Variants in CCDC13 observed in about 807,000 individuals in gnomAD.
CCDC13 encodes coiled-coil domain-containing protein 13.
Under a neutral mutation model 87.3 loss-of-function variants are expected in CCDC13, and 70 were observed. The observed-to-expected ratio is 0.80, with a 90% CI of 0.66 to 0.98. CCDC13 has a LOEUF of 0.98. Among genes scored for constraint, CCDC13 ranks in the 50% least tolerant of loss-of-function variants. CCDC13 has a pLI of 0.00. For missense variants in CCDC13, 842 were observed against 892.0 expected, an observed-to-expected ratio of 0.94 and a Z score of 0.71; for synonymous variants, 317 against 360.3, an observed-to-expected ratio of 0.88 and a Z score of 1.36.
intron 1 of CCDC13, chr3:42,770,785 C>G (rs911644734): frequency 1.3e-5 from 2 of 153,118 alleles, no homozygotes; most frequent in Non-Finnish European, 1.5e-5. Flanking sequence ...GAATGAACAA[C>G]TCCAGACGCA....
At position 42,746,287 on chromosome 3, in the gene CCDC13, C is replaced by T. The variant is rs543618529; in HGVS notation, c.721-260G>A. 7.9e-5 allele frequency: 35 copies of T among 444,904 alleles called. No individual in the cohort carries two copies. In the South Asian group the frequency reaches 9.3e-4, roughly 12 times the overall value. The allele number at this position is 444,904 out of a possible 1,614,324, so 27.6% of individuals were successfully genotyped here. On this transcript the variant is annotated intron_variant, in intron 6 of 15. Transcript: ENST00000310232. ...ACTGCCAGCAATGCCCAGATAGGGC[C>T]CCTTGCTCTTGACATATTCTGGGAT...
At chr3:42,712,824 C>T (rs1698343502) in intron 14 of CCDC13, among the ~76,000 whole-genome samples, 1 of 152,220 alleles carries the variant, frequency 6.6e-6, no homozygotes, top group South Asian at 2.1e-4. Context: ...CCCAGCAGAC[C>T]AGCTGTGCCC....
Position 42,739,697 on chromosome 3 carries a change from C to A in CCDC13, c.1101G>T (p.Lys367Asn), listed in dbSNP as rs776452879. The A allele has an allele frequency of 6.2e-7, 1 of 1,614,114 alleles. No homozygotes were observed. The highest frequency in any genetic ancestry group is 8.5e-7 in the Non-Finnish European group (1 of 1,180,034). ...TCTCCACCAGGGTTCCCATCTGACT[C>A]TTGAGGGTCTTCATCTCACTTGACA... ...KLLSSEMKTLKSQMGTLVEKG... is the reference protein window; with the variant it reads ...KLLSSEMKTLNSQMGTLVEKG... Residue 367 changes from lysine (K) to asparagine (N), a missense_variant, in exon 9 of 16, where the codon AAG becomes AAT. Coordinates refer to ENST00000310232, the MANE Select transcript of CCDC13 (RefSeq NM_144719.4).
rs1698258792 is a variant in CCDC13, at chr3:42,709,728, G to T, written c.1944C>A (p.Leu648=). The stretch of plus-strand genomic sequence containing the variant: ...TTTGGGATTCCACGGGCACATCGGA[G>T]AGCTGGGCAAAGGATGGGTCCTTCT... ...SEKKDPSFAQ[L]SDVPVESQME... The change falls in exon 15 of 16, where the codon CTC becomes CTA. Residue 648 remains leucine, a synonymous_variant. Transcript: ENST00000310232. 1 of 1,614,074 alleles carries T rather than the reference G, an allele frequency of 6.2e-7. No homozygotes were observed. Among genetic ancestry groups the T allele is most frequent in the Non-Finnish European group, 8.5e-7 (1 of 1,180,028 alleles).
intron 3 of CCDC13, among the ~76,000 whole-genome samples, chr3:42,752,996 G>A (rs1331420152): frequency 2.0e-5 from 3 of 152,188 alleles, no homozygotes; most frequent in South Asian, 2.1e-4. Context: ...TTATCACTCC[G>A]ATGCTTCATG....
intron 14 of CCDC13, among the ~76,000 whole-genome samples, chr3:42,711,603 A>G (rs1698315374): frequency 6.6e-6 from 1 of 152,162 alleles, no homozygotes; most frequent in African/African-American, 2.4e-5. Flanking sequence ...AAGCACCGAC[A>G]CTTGTCTTTC....
At chr3:42,744,931 C>T (rs1029154687) in intron 7 of CCDC13, 1 of 151,918 alleles carries the variant, frequency 6.6e-6, no homozygotes, top group Non-Finnish European at 1.5e-5. Context: ...TTTATGTTAC[C>T]CCATTTCACA....
intron 13 of CCDC13, among the ~76,000 whole-genome samples, chr3:42,717,375 G>A (rs963011501): frequency 4.0e-5 from 6 of 148,568 alleles, no homozygotes; most frequent in African/African-American, 7.6e-5. Context: ...GCAGTGAGCC[G>A]AGATCATGCC....
At chr3:42,749,028 G>A (rs1169137586) in intron 5 of CCDC13, among the ~76,000 whole-genome samples, 1 of 152,064 alleles carries the variant, frequency 6.6e-6, no homozygotes, top group African/African-American at 2.4e-5. Flanking sequence ...CAAAGTGCTG[G>A]GATTACAGAT....
intron 10 of CCDC13, among the ~76,000 whole-genome samples, chr3:42,734,530 A>T (rs1698940684): frequency 6.6e-6 from 1 of 152,194 alleles, no homozygotes; most frequent in African/African-American, 2.4e-5. Flanking sequence ...TGTCACAGCC[A>T]GTCCTGGGGC....
At chr3:42,726,063 C>T (rs1226538095) in intron 13 of CCDC13, among the ~76,000 whole-genome samples, 9 of 152,020 alleles carry the variant, frequency 5.9e-5, no homozygotes, top group African/African-American at 1.9e-4. Flanking sequence ...GTTTTTGAGA[C>T]GGGGGTGTTT....
Position 42,744,571 on chromosome 3 carries a change from C to T in CCDC13, c.825+1352G>A, listed in dbSNP as rs575625450. The stretch of plus-strand genomic sequence containing the variant: ...CTGTAATCCCAGCACTTTGGCAAGC[C>T]GAGGTGGGCGGATCACGAGGTCAGG... On this transcript the variant is annotated intron_variant, in intron 7 of 15. Transcript: ENST00000310232. Among the ~76,000 whole-genome samples, 4 of 151,824 alleles carry T rather than the reference C, an allele frequency of 2.6e-5. No individual in the cohort carries two copies. In the South Asian group the frequency reaches 6.2e-4, roughly 24 times the overall value.
chr3:42,709,158 T>G lies in CCDC13; in HGVS notation c.1989-19A>C. 1 of 1,601,356 alleles carries G rather than the reference T, an allele frequency of 6.2e-7. No homozygotes were observed. The highest frequency in any genetic ancestry group is 8.5e-7 in the Non-Finnish European group (1 of 1,173,578). On this transcript the variant is annotated intron_variant, in intron 15 of 15. Coordinates refer to ENST00000310232, the MANE Select transcript of CCDC13 (RefSeq NM_144719.4). Reference sequence around the variant, plus strand: ...GGCCAGCCTGGACCACAGGAGACAGTGCTCAGTGTGGCTGGAGCTGCACAC... The same window carrying G: ...GGCCAGCCTGGACCACAGGAGACAGGGCTCAGTGTGGCTGGAGCTGCACAC...
chr3:42,749,883 G>T (rs1457125562), intron 5 of CCDC13: 1 of 456,750 alleles, frequency 2.2e-6, no homozygotes, highest in Admixed American at 2.3e-5. Context: ...ATGTGCTTTG[G>T]AGGCCTAGGG....
At chr3:42,714,347 CA>C in intron 13 of CCDC13, among the ~76,000 whole-genome samples, 1 of 152,278 alleles carries the variant, frequency 6.6e-6, no homozygotes, top group Admixed American at 6.5e-5. Context: ...GCATAGACAC[CA>C]AAAGCCTGTC....
At chr3:42,735,232 C>A (rs554441207) in intron 10 of CCDC13, among the ~76,000 whole-genome samples, 1 of 152,064 alleles carries the variant, frequency 6.6e-6, no homozygotes, top group Middle Eastern at 3.2e-3. Flanking sequence ...CCCTGGAGTG[C>A]GGAGCAAGCA....
At chr3:42,755,605 T>C (rs1257021055) in intron 3 of CCDC13, among the ~76,000 whole-genome samples, 1 of 152,146 alleles carries the variant, frequency 6.6e-6, no homozygotes, top group African/African-American at 2.4e-5. Flanking sequence ...AGACTCTGTC[T>C]CAAAAAGAAA....
At chr3:42,750,012 G>A (rs1366664468) in intron 5 of CCDC13, 2 of 451,206 alleles carry the variant, frequency 4.4e-6, no homozygotes, top group African/African-American at 2.0e-5. Context: ...ATGCCAGGGA[G>A]AACACGTGGT....
intron 1 of CCDC13, among the ~76,000 whole-genome samples, chr3:42,765,593 T>C (rs1396207684): frequency 6.6e-6 from 1 of 152,132 alleles, no homozygotes; most frequent in Non-Finnish European, 1.5e-5. Flanking sequence ...TTTTTAAAGC[T>C]TCCCAGGTGA....
Sources: gnomAD v4.1 joint callset for allele counts (sites outside exome capture counted in the v4.1 genomes callset) on GRCh38, gnomAD v4.1.1 for gene constraint, MANE v1.5 for transcripts, NCBI Gene and HGNC (gene_info 2026-07-23, HGNC 2026-07-21) for gene names.